CES1: variants seen among roughly 807,000 people sequenced by gnomAD.
CES1 encodes liver carboxylesterase 1.
A neutral mutation model predicts 53.0 loss-of-function variants in CES1; 50 were observed. That is an observed-to-expected ratio of 0.94 (90% CI 0.75 to 1.19). CES1 has a LOEUF of 1.19. Ranked by LOEUF, CES1 falls within the 50% of genes most tolerant of loss-of-function variation. The pLI is 0.00. For synonymous variants in CES1, 202 were observed against 210.1 expected (o/e 0.96, Z 0.33); for missense variants, 534 against 538.0 (o/e 0.99, Z 0.07).
chr16:55,811,012 T>TAAC lies in CES1; in HGVS notation c.1087-3_1087-2insGTT, dbSNP rs1567492264. On this transcript the variant is annotated splice_polypyrimidine_tract_variant and splice_region_variant and intron_variant, in intron 9 of 13. Transcript: ENST00000360526. ...GGAGAGTGGATAGCTCATCAACTGC[T>TAAC]AAAAAAAAAAAAAAGTTCAGCATTT... is the stretch of plus-strand genomic sequence containing the variant. 6.4e-4 allele frequency: 899 copies of TAAC among 1,405,120 alleles called. No homozygotes were observed. The highest frequency in any genetic ancestry group is 7.7e-4 in the Non-Finnish European group (792 of 1,032,896). 87.0% of individuals were successfully genotyped at this position (1,405,120 alleles called of 1,614,324 possible). A position where few individuals can be genotyped will look rare whatever the true frequency, so the allele number is the denominator to read the frequency against.
At chr16:55,813,600 C>G (rs1180034500) in intron 8 of CES1, among the ~76,000 whole-genome samples, 1 of 152,216 alleles carries the variant, frequency 6.6e-6, no homozygotes, top group Admixed American at 6.5e-5. Flanking sequence ...ATGTATGAAT[C>G]GGCCAATTTC....
intron 7 of CES1, 114 bp from the exon 8 acceptor site, chr16:55,817,076 A>G: frequency 8.7e-7 from 1 of 1,144,214 alleles, no homozygotes; most frequent in Admixed American, 1.7e-5. Flanking sequence ...GTGAATTCGT[A>G]TATCTATATG....
intron 5 of CES1, among the ~76,000 whole-genome samples, chr16:55,820,747 T>G (rs1381023505): frequency 6.6e-6 from 1 of 152,034 alleles, no homozygotes. Flanking sequence ...AGGTTGTGTC[T>G]ATGACCCACA....
intron 1 of CES1, among the ~76,000 whole-genome samples, chr16:55,830,597 G>A (rs1410862296): frequency 6.6e-6 from 1 of 152,208 alleles, no homozygotes; most frequent in African/African-American, 2.4e-5. Flanking sequence ...GAGGTCAGGA[G>A]TTCAAGACCA....
intron 1 of CES1, among the ~76,000 whole-genome samples, chr16:55,830,818 G>C (rs1317279800): frequency 2.0e-5 from 3 of 150,492 alleles, no homozygotes; most frequent in Non-Finnish European, 4.4e-5. Flanking sequence ...AGGAAGGAAG[G>C]AAGGCAGGCA....
chr16:55,820,621 T>C, intron 5 of CES1, 142 bp from the exon 6 acceptor site: 2 of 1,404,344 alleles, frequency 1.4e-6, no homozygotes, highest in Non-Finnish European at 2.0e-6. Flanking sequence ...TCTGCCCACC[T>C]CAAGGAGGTG....
chr16:55,812,540 T>C (rs1180515391), intron 9 of CES1: 3 of 359,234 alleles, frequency 8.4e-6, no homozygotes, highest in African/African-American at 4.2e-5. Flanking sequence ...CAGCCCGAGG[T>C]GGGAAGCCAG....
intron 9 of CES1, among the ~76,000 whole-genome samples, chr16:55,811,554 G>C (rs1187657513): frequency 6.6e-6 from 1 of 152,110 alleles, no homozygotes; most frequent in Non-Finnish European, 1.5e-5. Context: ...TCAGGGACTC[G>C]ACCAATCTCT....
intron 5 of CES1, 92 bp from the exon 6 acceptor site, chr16:55,820,571 A>T: frequency 6.3e-7 from 1 of 1,596,614 alleles, no homozygotes; most frequent in Non-Finnish European, 8.6e-7. Flanking sequence ...TCCACTATAA[A>T]ACCAACACGG....
At chr16:55,824,870 GT>G (rs1480960514) in intron 3 of CES1, among the ~76,000 whole-genome samples, 1 of 152,222 alleles carries the variant, frequency 6.6e-6, no homozygotes. Context: ...AACCCAGACC[GT>G]GTAGTTCTAG....
At chr16:55,823,364 A>G (rs1210298247) in intron 4 of CES1, among the ~76,000 whole-genome samples, 186 bp downstream of exon 4, 1 of 152,036 alleles carries the variant, frequency 6.6e-6, no homozygotes, top group East Asian at 1.9e-4. Flanking sequence ...GCACATGCAA[A>G]AGCTCAGAGG....
intron 7 of CES1, among the ~76,000 whole-genome samples, chr16:55,817,903 C>T (rs1331521236): frequency 6.6e-6 from 1 of 152,212 alleles, no homozygotes; most frequent in East Asian, 1.9e-4. Context: ...AGACTCAACT[C>T]TTCCCTTTTA....
In CES1 at chr16:55,825,131, C is replaced by A. The variant is rs141517502; in HGVS notation, c.405+1020G>T. On this transcript the variant is annotated intron_variant, in intron 3 of 13. Coordinates refer to ENST00000360526, the MANE Select transcript of CES1 (RefSeq NM_001025195.2). ...ATTCATGTTCCTCCTTTCCCTGAAGCCCCAGGTCTAACTGTGTATATGGGG... is the reference window on the plus strand; with the variant it reads ...ATTCATGTTCCTCCTTTCCCTGAAGACCCAGGTCTAACTGTGTATATGGGG... Among the ~76,000 whole-genome samples the A allele has an allele frequency of 7.8e-4, 119 of 152,282 alleles. 1 individual carries two copies. The highest frequency in any genetic ancestry group is 2.8e-3 in the African/African-American group (116 of 41,540).
chr16:55,822,810 T>C (rs1264173398), intron 4 of CES1, among the ~76,000 whole-genome samples: 1 of 152,020 alleles, frequency 6.6e-6, no homozygotes, highest in Non-Finnish European at 1.5e-5. Context: ...TGGGAAGTCC[T>C]GAGAGGTTGG....
At chr16:55,809,537 G>A (rs565181809) in intron 11 of CES1, among the ~76,000 whole-genome samples, 5 of 152,198 alleles carry the variant, frequency 3.3e-5, no homozygotes, top group African/African-American at 7.2e-5. Flanking sequence ...CTCTCTAGGT[G>A]AGCACACACA....
intron 2 of CES1, among the ~76,000 whole-genome samples, chr16:55,827,028 C>T (rs551850862): frequency 1.3e-5 from 2 of 152,190 alleles, no homozygotes; most frequent in South Asian, 4.1e-4. Flanking sequence ...GAGAACCTGA[C>T]CAAGGTTACA....
chr16:55,816,735 G>A (rs2031959980), intron 8 of CES1, among the ~76,000 whole-genome samples, 189 bp downstream of exon 8: 1 of 152,174 alleles, frequency 6.6e-6, no homozygotes, highest in Admixed American at 6.5e-5. Flanking sequence ...CAGGAAAATG[G>A]GTTCCAGGCC....
At chr16:55,813,337 T>C (rs138198359) in intron 8 of CES1, among the ~76,000 whole-genome samples, 57 of 152,316 alleles carry the variant, frequency 3.7e-4, no homozygotes, top group African/African-American at 1.2e-3. Context: ...TTGAAGTGCA[T>C]GCATTTTCCT....
chr16:55,825,264 C>A (rs2032373184), intron 3 of CES1, among the ~76,000 whole-genome samples: 2 of 152,346 alleles, frequency 1.3e-5, no homozygotes, highest in African/African-American at 4.8e-5. Context: ...GTAGGACCAA[C>A]TTCTAGTTCC....
Sources: allele counts gnomAD v4.1 joint callset (sites outside exome capture counted in the v4.1 genomes callset), GRCh38; gene constraint gnomAD v4.1.1; transcripts MANE v1.5; gene names NCBI Gene and HGNC (gene_info 2026-07-23, HGNC 2026-07-21).